ATXN2: variants seen among roughly 807,000 people sequenced by gnomAD.
ATXN2 encodes the protein ataxin 2.
A neutral mutation model predicts 138.6 loss-of-function variants in ATXN2; 37 were observed. The observed-to-expected ratio is 0.27, with a 90% CI of 0.21 to 0.35. The LOEUF is 0.35. Among genes scored for constraint, ATXN2 ranks in the 10% least tolerant of loss-of-function variants. The probability of loss-of-function intolerance (pLI) is 1.00; values close to 1 mark genes in which losing one functional copy is unlikely to be tolerated. For synonymous variants in ATXN2, 549 were observed against 543.7 expected (o/e 1.01, Z -0.13); for missense variants, 1,216 against 1,480.3 (o/e 0.82, Z 2.93).
chr12:111,508,140 C>G (rs1348486215), intron 14 of ATXN2, among the ~76,000 whole-genome samples: 1 of 150,060 alleles, frequency 6.7e-6, no homozygotes, highest in African/African-American at 2.5e-5. Context: ...GCGAGAAACA[C>G]CCAAGAATGA....
intron 23 of ATXN2, chr12:111,454,939 T>A: frequency 1.5e-6 from 1 of 669,386 alleles, no homozygotes; most frequent in Non-Finnish European, 2.8e-6. Flanking sequence ...CCGGCTTCCC[T>A]CCCCACTATC....
At chr12:111,472,645 T>C (rs934795844) in intron 18 of ATXN2, among the ~76,000 whole-genome samples, 4 of 152,202 alleles carry the variant, frequency 2.6e-5, no homozygotes, top group African/African-American at 9.6e-5. Flanking sequence ...CTTGACTCAC[T>C]GCACTCTCTG....
At chr12:111,523,883 T>TA (rs1317709984) in intron 6 of ATXN2, among the ~76,000 whole-genome samples, 1 of 151,050 alleles carries the variant, frequency 6.6e-6, no homozygotes, top group Non-Finnish European at 1.5e-5. Flanking sequence ...GGCAACATGG[T>TA]AAAACCCTGT....
At chr12:111,479,006 C>A in intron 18 of ATXN2, 1 of 283,298 alleles carries the variant, frequency 3.5e-6, no homozygotes, top group Non-Finnish European at 6.4e-6. Flanking sequence ...GAGACTTCAT[C>A]TCAAAAAAAA....
At position 111,525,686 on chromosome 12, in the gene ATXN2, A is replaced by AT. The variant is rs11346498; in HGVS notation, c.572-371dup. ...CATATAATTTTAAGCCACACGAAGC[A>AT]TTTTTTTTTTTTTTTTGAGATAGAG... On this transcript the variant is annotated intron_variant, in intron 5 of 24. Coordinates refer to ENST00000673436, the MANE Select transcript of ATXN2 (RefSeq NM_001372574.1). 1.7e-3 allele frequency among the ~76,000 whole-genome samples: 237 copies of AT among 139,552 alleles called. 1 individual carries two copies. The highest frequency in any genetic ancestry group is 7.1e-3 in the Middle Eastern group (2 of 280). The allele number at this position is 139,552 out of a possible 152,430, so 91.6% of individuals were successfully genotyped here.
chr12:111,501,728 A>G (rs1878775974), intron 14 of ATXN2, among the ~76,000 whole-genome samples: 1 of 152,210 alleles, frequency 6.6e-6, no homozygotes, highest in South Asian at 2.1e-4. Context: ...GTTCACAAAA[A>G]TCTTTAGTAG....
intron 5 of ATXN2, among the ~76,000 whole-genome samples, chr12:111,533,537 T>G (rs1880965746): frequency 1.3e-5 from 2 of 148,560 alleles, no homozygotes; most frequent in African/African-American, 5.3e-5. Context: ...TTCAGACAGT[T>G]TTTTTTCTTT....
intron 20 of ATXN2, chr12:111,469,636 C>A: frequency 6.3e-6 from 1 of 158,986 alleles, no homozygotes. Context: ...CATTAAAATA[C>A]AGCATGATGT....
rs545235482 is a variant in ATXN2, at chr12:111,563,931, G to T, written c.252-8012C>A. On this transcript the variant is annotated intron_variant, in intron 1 of 24. Transcript: ENST00000673436. The stretch of plus-strand genomic sequence containing the variant: ...TTAGATCTGTATTATAATTACTAGT[G>T]TATCTGTCATATACCCACTACTCAG... Among the ~76,000 whole-genome samples the T allele has an allele frequency of 3.3e-5, 5 of 152,202 alleles. No individual in the cohort carries two copies. The South Asian group carries it at 1.0e-3, about 32-fold the overall frequency.
chr12:111,508,141 C>A (rs1412277637), intron 14 of ATXN2, among the ~76,000 whole-genome samples: 5 of 149,984 alleles, frequency 3.3e-5, no homozygotes, highest in African/African-American at 1.3e-4. Context: ...CGAGAAACAC[C>A]CAAGAATGAT....
At chr12:111,492,037 G>C (rs1025207487) in intron 14 of ATXN2, among the ~76,000 whole-genome samples, 1 of 152,100 alleles carries the variant, frequency 6.6e-6, no homozygotes, top group Non-Finnish European at 1.5e-5. Context: ...AGCACCCTTG[G>C]GCCTTAAATT....
intron 1 of ATXN2, among the ~76,000 whole-genome samples, chr12:111,556,968 C>T (rs907726227): frequency 2.0e-5 from 3 of 151,932 alleles, no homozygotes; most frequent in Non-Finnish European, 4.4e-5. Context: ...TCCTTGCCAA[C>T]TCTCTCCCTC....
chr12:111,559,136 G>GT (rs762892445), intron 1 of ATXN2, among the ~76,000 whole-genome samples: 5,664 of 141,976 alleles, frequency 0.04, 339 homozygotes, highest in African/African-American at 0.13. Context: ...ACAGTTTTTT[G>GT]TTTTTTTTTT....
chr12:111,555,447 C>A (rs903696260), intron 2 of ATXN2, among the ~76,000 whole-genome samples: 5 of 152,160 alleles, frequency 3.3e-5, no homozygotes, highest in Admixed American at 2.0e-4. Flanking sequence ...CTACGCTGCT[C>A]TCATGATAGT....
intron 21 of ATXN2, 71 bp from the exon 22 acceptor site, chr12:111,457,430 T>C: frequency 2.0e-6 from 3 of 1,496,988 alleles, no homozygotes; most frequent in Non-Finnish European, 1.8e-6. Context: ...CTACACTTCA[T>C]CAACTGAACT....
Position 111,555,982 on chromosome 12 carries a change from C to T in ATXN2, c.252-63G>A, listed in dbSNP as rs1315956113. 4 of 1,280,866 alleles carry T rather than the reference C, an allele frequency of 3.1e-6. No homozygotes were observed. The East Asian group carries it at 1.1e-4, about 34-fold the overall frequency. 79.3% of individuals were successfully genotyped at this position (1,280,866 alleles called of 1,614,324 possible). On this transcript the variant is annotated intron_variant, in intron 1 of 24. Transcript: ENST00000673436. ...GGCTAAATAAGCTGAAAAATATTTC[C>T]AAACTTAAAATATAATTCCATTCAA...
chr12:111,520,584 G>C (rs1224214401), intron 7 of ATXN2, among the ~76,000 whole-genome samples: 1 of 152,124 alleles, frequency 6.6e-6, no homozygotes, highest in Non-Finnish European at 1.5e-5. Flanking sequence ...CCGGGATGCA[G>C]AGGTTGCAGT....
chr12:111,502,055 C>T (rs1378467779), intron 14 of ATXN2, among the ~76,000 whole-genome samples: 2 of 152,114 alleles, frequency 1.3e-5, no homozygotes, highest in Non-Finnish European at 2.9e-5. Flanking sequence ...CCACACCTGG[C>T]TAATGTGTGT....
chr12:111,464,760 C>T (rs1286936796), intron 20 of ATXN2, 45 bp from the exon 21 acceptor site: 1 of 1,494,308 alleles, frequency 6.7e-7, no homozygotes, highest in South Asian at 1.2e-5. Flanking sequence ...TTGAGGTGTG[C>T]ATTTTCCAAA....
Sources: allele counts gnomAD v4.1 joint callset (sites outside exome capture counted in the v4.1 genomes callset), GRCh38; gene constraint gnomAD v4.1.1; transcripts MANE v1.5; gene names NCBI Gene and HGNC (gene_info 2026-07-23, HGNC 2026-07-21).